Variants in COL27A1 observed in about 807,000 individuals in gnomAD.
COL27A1 encodes collagen alpha-1(XXVII) chain.
Under a neutral mutation model 251.3 loss-of-function variants are expected in COL27A1, and 106 were observed. The observed-to-expected ratio is 0.42, with a 90% confidence interval of 0.36 to 0.50. COL27A1 has a LOEUF of 0.50. Among genes scored for constraint, COL27A1 ranks in the 20% least tolerant of loss-of-function variants. The probability of loss-of-function intolerance (pLI) is 0.00; values close to 1 mark genes in which losing one functional copy is unlikely to be tolerated. For synonymous variants in COL27A1, 1,000 were observed against 986.3 expected (o/e 1.01, Z -0.26); for missense variants, 2,325 against 2,522.8 (o/e 0.92, Z 1.68).
intron 34 of COL27A1, among the ~76,000 whole-genome samples, chr9:114,268,536 C>G (rs772115448): frequency 2.9e-4 from 44 of 152,308 alleles, no homozygotes; most frequent in Non-Finnish European, 5.0e-4. Context: ...AATAAAGTCA[C>G]ATAATTGCCA....
chr9:114,255,669 GAA>G lies in COL27A1; in HGVS notation c.3141+2739_3141+2740del, dbSNP rs538297775. On this transcript the variant is annotated intron_variant, in intron 27 of 60. Coordinates refer to ENST00000356083, the MANE Select transcript of COL27A1 (RefSeq NM_032888.4). Reference sequence around the variant, plus strand: ...TTCAGTGGGTTGGCTCAGGCTTGGTGAAATCAGACGGTCACTTACTGCTGTTT... The same window carrying G: ...TTCAGTGGGTTGGCTCAGGCTTGGTGATCAGACGGTCACTTACTGCTGTTT... Among the ~76,000 whole-genome samples, 279 of 152,238 alleles carry G rather than the reference GAA, an allele frequency of 1.8e-3. 3 individuals are homozygous for G. The highest frequency in any genetic ancestry group is 6.5e-3 in the African/African-American group (270 of 41,538).
intron 11 of COL27A1, among the ~76,000 whole-genome samples, 180 bp from the exon 12 acceptor site, chr9:114,210,802 C>T (rs1365652209): frequency 1.3e-5 from 2 of 152,264 alleles, no homozygotes; most frequent in African/African-American, 2.4e-5. Context: ...TCTTAGGTCA[C>T]CACAGACCCC....
At chr9:114,282,587 G>A (rs1383044509) in intron 39 of COL27A1, 23 bp downstream of exon 39, 2 of 1,436,768 alleles carry the variant, frequency 1.4e-6, no homozygotes, top group South Asian at 2.7e-5. Flanking sequence ...TGGCTGGGGT[G>A]GGGGAGTCAG....
chr9:114,191,883 T>G (rs947699694), intron 5 of COL27A1, among the ~76,000 whole-genome samples: 1 of 151,776 alleles, frequency 6.6e-6, no homozygotes, highest in Non-Finnish European at 1.5e-5. Flanking sequence ...ATTAAATGAG[T>G]TAATATGTGT....
chr9:114,186,522 C>G (rs1024395236), intron 5 of COL27A1, among the ~76,000 whole-genome samples: 1 of 152,212 alleles, frequency 6.6e-6, no homozygotes, highest in South Asian at 2.1e-4. Context: ...CCGGAGTGCT[C>G]GGAGACCCCA....
In COL27A1 at chr9:114,240,423, C is replaced by T; in HGVS notation, c.2782-11C>T. 6.2e-7 allele frequency: 1 copy of T among 1,613,428 alleles called. No homozygotes were observed. Among genetic ancestry groups the T allele is most frequent in the East Asian group, 2.2e-5 (1 of 44,876 alleles). ...GCCTCTGAGACTCCCTTTTTGTTCC[C>T]TTCTCCCCAGGGTAAGCCTGGAGCC... On this transcript the variant is annotated splice_polypyrimidine_tract_variant and intron_variant, in intron 20 of 60. Transcript: ENST00000356083.
rs1827838941 is a variant in COL27A1, at chr9:114,290,452, C to A, written c.4368+121C>A. ...ACTTGGATGGGCAGAACCAACACAT[C>A]CAGAAGTTCTCTGGGGTGGGCAACC... On this transcript the variant is annotated intron_variant, in intron 47 of 60. Transcript: ENST00000356083. The surrounding 1 kb of genome is among the most constrained non-coding windows in gnomAD (Gnocchi z 4.6). 26 of 831,818 alleles carry A rather than the reference C, an allele frequency of 3.1e-5. No homozygotes were observed. The South Asian group carries it at 3.7e-4, about 12-fold the overall frequency. 51.5% of individuals were successfully genotyped at this position (831,818 alleles called of 1,614,324 possible).
At chr9:114,252,518 C>G in intron 25 of COL27A1, 75 bp from the exon 26 acceptor site, 1 of 1,280,466 alleles carries the variant, frequency 7.8e-7, no homozygotes, top group South Asian at 1.2e-5. Flanking sequence ...TCTGGATGGC[C>G]CTCTGCACCT....
rs1037458386 is a variant in COL27A1 at position 114,214,806 on chromosome 9, G to A, written c.2367+3780G>A. On this transcript the variant is annotated intron_variant, in intron 12 of 60. Coordinates refer to ENST00000356083, the MANE Select transcript of COL27A1 (RefSeq NM_032888.4). Reference sequence around the variant, plus strand: ...AGAGAACGTGTTGTGGTTTTCTGGCGAGGGGTCCAGGTGGAAAATGTTACC... The same window carrying A: ...AGAGAACGTGTTGTGGTTTTCTGGCAAGGGGTCCAGGTGGAAAATGTTACC... Among the ~76,000 whole-genome samples the A allele has an allele frequency of 1.1e-4, 16 of 152,214 alleles. 1 individual carries two copies. In the East Asian group the frequency reaches 2.3e-3, roughly 22 times the overall value.
Position 114,311,232 on chromosome 9 carries a change from G to A in COL27A1, c.*537G>A, listed in dbSNP as rs1829421332. 6.6e-6 allele frequency: 1 copy of A among 152,202 alleles called. No individual in the cohort carries two copies. Among genetic ancestry groups the A allele is most frequent in the Non-Finnish European group, 1.5e-5 (1 of 68,134 alleles). The allele number at this position is 152,202 out of a possible 1,614,324, so 9.4% of individuals were successfully genotyped here. On this transcript the variant is annotated 3_prime_UTR_variant, in exon 61 of 61. Transcript: ENST00000356083. Reference sequence around the variant, plus strand: ...GTGAGAGGATGGGAAGGAGCAGCCAGGCGTGGGAAGCGGCGAGATCCTCGG... The same window carrying A: ...GTGAGAGGATGGGAAGGAGCAGCCAAGCGTGGGAAGCGGCGAGATCCTCGG...
intron 1 of COL27A1, among the ~76,000 whole-genome samples, chr9:114,157,764 G>T (rs1357225551): frequency 6.6e-6 from 1 of 152,170 alleles, no homozygotes; most frequent in African/African-American, 2.4e-5. Flanking sequence ...CATCAGGCAG[G>T]CTCGAGTTTG....
intron 5 of COL27A1, among the ~76,000 whole-genome samples, chr9:114,184,341 C>T (rs1437909473): frequency 2.0e-5 from 3 of 152,272 alleles, no homozygotes; most frequent in African/African-American, 7.2e-5. Context: ...GCCCATCTCT[C>T]CTGAGTCATG....
At position 114,282,533 on chromosome 9, in the gene COL27A1, C is replaced by A; in HGVS notation, c.3848C>A (p.Pro1283His). The change falls in exon 39 of 61, where the codon CCT (proline) becomes CAT (histidine). Residue 1283 changes from proline (P) to histidine (H), a missense_variant. By Grantham distance (77) the Pro-to-His change is moderately conservative. This residue lies in a region of COL27A1 where 662 missense variants were observed against 795.3 expected (regional missense o/e 0.83). Coordinates refer to ENST00000356083, the MANE Select transcript of COL27A1 (RefSeq NM_032888.4). ...CCTGGACCCCCTGGCACTCCAGGCC[C>A]TAAAGGGTCCCGGGGCAGCCTGGGA... is the stretch of plus-strand genomic sequence containing the variant. ...GDPGPPGTPG[P>H]KGSRGSLGPT... 2 of 1,548,658 alleles carry A rather than the reference C, an allele frequency of 1.3e-6. No homozygotes were observed. The highest frequency in any genetic ancestry group is 1.7e-6 in the Non-Finnish European group (2 of 1,150,874).
Position 114,252,921 on chromosome 9 carries a change from C to G in COL27A1, c.3130C>G (p.Pro1044Ala). 1.9e-6 allele frequency: 3 copies of G among 1,613,070 alleles called. No homozygotes were observed. Among genetic ancestry groups the G allele is most frequent in the Non-Finnish European group, 2.5e-6 (3 of 1,179,356 alleles). ...AGGTGGTATGGGGACCCCTGGAGAG[C>G]CTGGACCCCAGGTAAGCAAAGCCCT... ...MPGGMGTPGE[P>A]GPQGPPGSRG... The change falls in exon 27 of 61, where the codon CCT becomes GCT. Residue 1044 changes from proline to alanine, a missense_variant. Pro to Ala is a conservative substitution (Grantham distance 27). This residue lies in a region of COL27A1 where 662 missense variants were observed against 795.3 expected (regional missense o/e 0.83). Transcript: ENST00000356083.
intron 10 of COL27A1, among the ~76,000 whole-genome samples, chr9:114,206,508 G>T (rs570360466): frequency 7.9e-5 from 12 of 152,338 alleles, no homozygotes; most frequent in Non-Finnish European, 1.8e-4. Flanking sequence ...AAGAAGTCTG[G>T]GAAGTAAAGA....
chr9:114,268,408 A>C (rs1834891358), intron 34 of COL27A1, among the ~76,000 whole-genome samples: 1 of 152,236 alleles, frequency 6.6e-6, no homozygotes, highest in Non-Finnish European at 1.5e-5. Flanking sequence ...CATAGCTTGA[A>C]AATTCTCCAA....
At chr9:114,155,352 A>C (rs1050447838), upstream of COL27A1, among the ~76,000 whole-genome samples, 2 of 151,826 alleles carry the variant, frequency 1.3e-5, no homozygotes, top group Admixed American at 6.6e-5. The surrounding 1 kb of genome is among the most constrained non-coding windows in gnomAD (Gnocchi z 5.5). Context: ...TTCCCCATCT[A>C]TACAAGGAGG....
At chr9:114,233,707 A>G (rs573899497) in intron 16 of COL27A1, among the ~76,000 whole-genome samples, 2 of 152,338 alleles carry the variant, frequency 1.3e-5, no homozygotes, top group African/African-American at 2.4e-5. Flanking sequence ...AATGTGTTAC[A>G]TGGAACTCGG....
intron 4 of COL27A1, among the ~76,000 whole-genome samples, chr9:114,179,873 G>C (rs4978571): frequency 0.8 from 113,697 of 142,092 alleles, 45,831 homozygotes; most frequent in East Asian, 1. Context: ...GAGTCTCGCT[G>C]TGTCTCCCAG....
Sources: gnomAD v4.1 joint callset for allele counts (sites outside exome capture counted in the v4.1 genomes callset) on GRCh38, gnomAD v4.1.1 for gene constraint, gnomAD v4.1.1 regional missense constraint, Gnocchi (gnomAD v3.1) non-coding constraint, MANE v1.5 for transcripts, NCBI Gene and HGNC (gene_info 2026-07-23, HGNC 2026-07-21) for gene names.